The following DMD variants were observed in gnomAD, a reference collection of about 807,000 sequenced individuals.
The protein encoded by DMD is dystrophin, also known as mutant dystrophin.
DMD carries 63 observed loss-of-function variants against 330.1 expected under a neutral mutation model. The ratio of observed to expected loss-of-function variants is 0.19; its 90% confidence interval spans 0.16 to 0.24. The LOEUF (loss-of-function observed/expected upper bound fraction) is 0.24, where lower values mean the gene tolerates loss of function less well. DMD is among the 10% of genes least tolerant of loss of function. The pLI, the probability that DMD is intolerant of heterozygous loss-of-function variation, is 1.00. For missense variants in DMD, 3,344 were observed against 2,684.1 expected (o/e 1.25, Z -5.43); for synonymous variants, 1,223 against 959.8 (o/e 1.27, Z -5.07).
At chrX:32,938,935 C>T (rs1460761008) in intron 2 of DMD, among the ~76,000 whole-genome samples, 2 of 110,342 alleles carry the variant, frequency 1.8e-5, no homozygotes, top group African/African-American at 3.3e-5. Flanking sequence ...ACAATACTGA[C>T]AACATTATAA....
At chrX:31,592,380 CTATATATA>C (rs34388625) in intron 55 of DMD, among the ~76,000 whole-genome samples, 7 of 92,217 alleles carry the variant, frequency 7.6e-5, no homozygotes, top group Admixed American at 3.7e-4. Context: ...CATATATATT[CTATATATA>C]TATATATATA....
chrX:32,671,727 T>C (rs1429878741), intron 9 of DMD, among the ~76,000 whole-genome samples: 1 of 112,088 alleles, frequency 8.9e-6, no homozygotes, highest in African/African-American at 3.2e-5. Flanking sequence ...TTATTCAGCT[T>C]ATTAAACCCT....
intron 1 of DMD, among the ~76,000 whole-genome samples, chrX:33,132,504 G>A (rs1053885442): frequency 1.8e-5 from 2 of 112,331 alleles, no homozygotes; most frequent in African/African-American, 6.5e-5. Flanking sequence ...TTGGGAAGTG[G>A]GGAGGATGCC....
At chrX:33,059,164 A>T (rs987562072) in intron 1 of DMD, among the ~76,000 whole-genome samples, 1 of 111,490 alleles carries the variant, frequency 9.0e-6, no homozygotes, top group Non-Finnish European at 1.9e-5. Context: ...TCACTCGTAG[A>T]TTATTTTACT....
chrX:31,728,285 C>G (rs367698146), intron 52 of DMD, among the ~76,000 whole-genome samples: 1 of 111,476 alleles, frequency 9.0e-6, no homozygotes. Flanking sequence ...TCGGCCTCCC[C>G]AAGTGCTGGG....
chrX:32,078,047 G>A (rs1281175183), intron 44 of DMD, among the ~76,000 whole-genome samples: 2 of 110,707 alleles, frequency 1.8e-5, no homozygotes, highest in East Asian at 2.8e-4. Context: ...TCCTTAATGT[G>A]CATCTGCCAG....
chrX:31,415,597 C>T (rs1438774489), intron 60 of DMD, among the ~76,000 whole-genome samples: 1 of 111,872 alleles, frequency 8.9e-6, no homozygotes, highest in Non-Finnish European at 1.9e-5. Flanking sequence ...TCTCACTCAT[C>T]ATCGTAGCCA....
At chrX:31,945,108 T>C (rs2095068838) in intron 45 of DMD, among the ~76,000 whole-genome samples, 2 of 111,738 alleles carry the variant, frequency 1.8e-5, no homozygotes, top group Middle Eastern at 4.7e-3. Flanking sequence ...TGGGAATCTC[T>C]GTGATATGCT....
chrX:33,114,687 T>C (rs1287341852), intron 1 of DMD, among the ~76,000 whole-genome samples: 1 of 111,804 alleles, frequency 8.9e-6, no homozygotes, highest in East Asian at 2.8e-4. Flanking sequence ...ATAAATATAA[T>C]GTAGAAGTTA....
intron 48 of DMD, among the ~76,000 whole-genome samples, chrX:31,845,424 T>TCTCTCC (rs1295024075): frequency 8.5e-5 from 8 of 94,334 alleles, no homozygotes; most frequent in Non-Finnish European, 1.5e-4. Context: ...TCTCTCTCTC[T>TCTCTCC]CCCTCTCCTC....
chrX:32,614,606 C>A (rs1240230945), intron 11 of DMD, among the ~76,000 whole-genome samples, 153 bp from the exon 12 acceptor site: 1 of 111,252 alleles, frequency 9.0e-6, no homozygotes, highest in African/African-American at 3.3e-5. Flanking sequence ...AGCCCACTAT[C>A]AGTCACCCCG....
At chrX:32,850,350 G>C (rs914069855) in intron 2 of DMD, among the ~76,000 whole-genome samples, 2 of 111,720 alleles carry the variant, frequency 1.8e-5, no homozygotes, top group Admixed American at 9.5e-5. Context: ...GGTTTAATTA[G>C]GTTTGAAACA....
At chrX:32,557,154 G>A (rs2050391920) in intron 16 of DMD, among the ~76,000 whole-genome samples, 1 of 111,332 alleles carries the variant, frequency 9.0e-6, no homozygotes, top group South Asian at 3.8e-4. Flanking sequence ...AAGTGACCTT[G>A]TTGAGGCAGA....
At position 32,283,144 on chromosome X, in the gene DMD, T is replaced by C. The variant is rs148232853; in HGVS notation, c.6290+4385A>G. ...CTTAGGTCCAGAGCAAAGACATATA[T>C]AGCAGACCTTAATCCAACATGCATC... On this transcript the variant is annotated intron_variant, in intron 43 of 78. Transcript: ENST00000357033. Among the ~76,000 whole-genome samples, 44 of 111,511 alleles carry C rather than the reference T, an allele frequency of 3.9e-4. 1 individual carries two copies. The East Asian group carries it at 0.012, about 29-fold the overall frequency.
intron 43 of DMD, among the ~76,000 whole-genome samples, chrX:32,229,174 A>G (rs2147960600): frequency 9.0e-6 from 1 of 111,208 alleles, no homozygotes; most frequent in South Asian, 3.8e-4. Flanking sequence ...CCTATAATAT[A>G]CTATCCTCTT....
intron 11 of DMD, among the ~76,000 whole-genome samples, chrX:32,634,636 G>A (rs2058969147): frequency 8.9e-6 from 1 of 111,839 alleles, no homozygotes; most frequent in African/African-American, 3.3e-5. Flanking sequence ...TGTTATCTGT[G>A]AGCTAGGGCC....
chrX:32,094,325 A>G (rs772294863), intron 44 of DMD, among the ~76,000 whole-genome samples: 1 of 112,097 alleles, frequency 8.9e-6, no homozygotes, highest in Admixed American at 9.5e-5. Context: ...TGAACACACA[A>G]TATTGTTAAA....
chrX:31,881,874 A>G (rs1348343063), intron 47 of DMD, among the ~76,000 whole-genome samples: 2 of 112,180 alleles, frequency 1.8e-5, no homozygotes, highest in Non-Finnish European at 1.9e-5. Flanking sequence ...GCATGACTAT[A>G]TATGTTGCTA....
At chrX:32,672,672 A>G (rs774233938) in intron 9 of DMD, among the ~76,000 whole-genome samples, 104 of 110,719 alleles carry the variant, frequency 9.4e-4, no homozygotes, top group Middle Eastern at 4.3e-3. Flanking sequence ...ACATGTTCCA[A>G]CCAGAAGGTG....
Sources: gnomAD v4.1 joint callset for allele counts (sites outside exome capture counted in the v4.1 genomes callset) on GRCh38, gnomAD v4.1.1 for gene constraint, MANE v1.5 for transcripts, NCBI Gene and HGNC (gene_info 2026-07-23, HGNC 2026-07-21) for gene names.